PIGB: variants seen among roughly 807,000 people sequenced by gnomAD.
PIGB encodes the protein GPI alpha-1,2-mannosyltransferase 3.
In PIGB, 58 loss-of-function variants were observed where a neutral mutation model predicts 68.4. The ratio of observed to expected loss-of-function variants is 0.85; its 90% CI spans 0.69 to 1.06. The LOEUF (loss-of-function observed/expected upper bound fraction) is 1.06, where lower values mean the gene tolerates loss of function less well. Among genes scored for constraint, PIGB ranks in the 50% least tolerant of loss-of-function variants. The pLI is 0.00. For missense variants in PIGB, 634 were observed against 655.8 expected (o/e 0.97, Z 0.36); for synonymous variants, 219 against 220.5 (o/e 0.99, Z 0.06).
At chr15:55,340,427 G>T (rs1259639104) in intron 7 of PIGB, 185 bp from the exon 8 acceptor site, 2 of 339,748 alleles carry the variant, frequency 5.9e-6, no homozygotes, top group South Asian at 3.7e-5. Flanking sequence ...CTGCACTCCA[G>T]CCTGGGCGAC....
intron 1 of PIGB, chr15:55,320,010 C>G (rs1368540516): frequency 3.4e-6 from 1 of 292,720 alleles, no homozygotes; most frequent in Non-Finnish European, 6.3e-6. Flanking sequence ...AGTTAACCCA[C>G]TCTTTTTTTT....
At chr15:55,335,930 GATA>G (rs1441418060) in intron 6 of PIGB, among the ~76,000 whole-genome samples, 1 of 152,292 alleles carries the variant, frequency 6.6e-6, no homozygotes, top group East Asian at 1.9e-4. Context: ...TCAGCAGCAT[GATA>G]ATAACTTATT....
Position 55,329,662 on chromosome 15 carries a change from T to C in PIGB, c.523-62T>C, listed in dbSNP as rs909533768. 3 of 1,281,988 alleles carry C rather than the reference T, an allele frequency of 2.3e-6. No homozygotes were observed. In the African/African-American group the frequency reaches 4.5e-5, roughly 19 times the overall value. The allele number at this position is 1,281,988 out of a possible 1,614,324, so 79.4% of individuals were successfully genotyped here. A position where few individuals can be genotyped will look rare whatever the true frequency, so the allele number is the denominator to read the frequency against. On this transcript the variant is annotated intron_variant, in intron 4 of 11. Transcript: ENST00000164305. ...TTAGACTTGCTTGCTATTTAGAAGATAATATGTACTAAGGTTTTCCATTTC... is the reference window on the plus strand; with the variant it reads ...TTAGACTTGCTTGCTATTTAGAAGACAATATGTACTAAGGTTTTCCATTTC...
chr15:55,342,459 T>G (rs1481635790), intron 9 of PIGB, among the ~76,000 whole-genome samples: 1 of 152,180 alleles, frequency 6.6e-6, no homozygotes, highest in Non-Finnish European at 1.5e-5. Context: ...GGCACGATCT[T>G]GGCTCACTGC....
At chr15:55,331,510 T>G (rs1396540347) in intron 5 of PIGB, among the ~76,000 whole-genome samples, 1 of 152,050 alleles carries the variant, frequency 6.6e-6, no homozygotes, top group African/African-American at 2.4e-5. Flanking sequence ...GGTCGGGAGT[T>G]CGAGACCAGC....
Position 55,341,801 on chromosome 15 carries a change from T to G in PIGB, c.1122T>G (p.Cys374Trp). 1 of 1,405,234 alleles carries G rather than the reference T, an allele frequency of 7.1e-7. No homozygotes were observed. The highest frequency in any genetic ancestry group is 1.6e-5 in the South Asian group (1 of 61,956). 87.0% of individuals were successfully genotyped at this position (1,405,234 alleles called of 1,614,324 possible). ...TTTTACCATTCTGTATGGTGTTCTG[T>G]GGTAAGTGCTTTTGTTTGTTATAGA... ...YPVLPFCMVF[C>W]GYSLTHLKTW... The change falls in exon 9 of 12, where the codon TGT becomes TGG. Residue 374 changes from cysteine to tryptophan, a missense_variant and splice_region_variant. Physicochemically the swap from Cys to Trp is radical, Grantham distance 215. Transcript: ENST00000164305.
chr15:55,351,938 TTAAAC>T (rs2055933930), intron 10 of PIGB: 2 of 148,660 alleles, frequency 1.3e-5, no homozygotes, highest in South Asian at 4.4e-4. Context: ...TGCCCTCATC[TTAAAC>T]TAGACTTCTT....
At chr15:55,338,515 C>T (rs2055588709) in intron 6 of PIGB, among the ~76,000 whole-genome samples, 1 of 152,020 alleles carries the variant, frequency 6.6e-6, no homozygotes, top group Non-Finnish European at 1.5e-5. Flanking sequence ...CATGGCGGCA[C>T]ACACCTGTAG....
intron 6 of PIGB, among the ~76,000 whole-genome samples, chr15:55,334,430 G>T (rs1299907569): frequency 6.6e-6 from 1 of 152,126 alleles, no homozygotes; most frequent in Admixed American, 6.5e-5. Context: ...AATTTAAAAT[G>T]TATTAGTCAA....
intron 1 of PIGB, chr15:55,319,831 A>G (rs529794389): frequency 1.1e-5 from 2 of 180,252 alleles, no homozygotes; most frequent in Non-Finnish European, 2.4e-5. Flanking sequence ...ATGTGAAGAA[A>G]TTAACACAGT....
At chr15:55,344,890 CTTTT>C (rs1164109873) in intron 9 of PIGB, among the ~76,000 whole-genome samples, 7 of 98,902 alleles carry the variant, frequency 7.1e-5, no homozygotes, top group African/African-American at 2.5e-4. Context: ...ATATTCTTAT[CTTTT>C]TTTTTTTTTT....
intron 9 of PIGB, chr15:55,346,749 T>C (rs1422990419): frequency 6.6e-6 from 1 of 152,222 alleles, no homozygotes. Flanking sequence ...ATCTCCAAAT[T>C]TGTGCGTGCC....
At chr15:55,328,784 G>A (rs1004940388) in intron 4 of PIGB, among the ~76,000 whole-genome samples, 6 of 152,106 alleles carry the variant, frequency 3.9e-5, no homozygotes, top group Non-Finnish European at 7.4e-5. Context: ...TGGCCAACAC[G>A]GTGAAACCCT....
Position 55,320,771 on chromosome 15 carries a change from C to T in PIGB, c.299+361C>T, listed in dbSNP as rs895878810. ...AGTGGTTGACTCTGGGCAACTGAAA[C>T]ATGGAAAGAGAAACCACAGATAAGG... On this transcript the variant is annotated intron_variant, in intron 2 of 11. Coordinates refer to ENST00000164305, the MANE Select transcript of PIGB (RefSeq NM_004855.5). Among the ~76,000 whole-genome samples, 3 of 152,250 alleles carry T rather than the reference C, an allele frequency of 2.0e-5. No individual in the cohort carries two copies. In the East Asian group the frequency reaches 5.8e-4, roughly 29 times the overall value.
intron 10 of PIGB, chr15:55,351,570 A>C (rs1019790793): frequency 6.6e-6 from 1 of 152,016 alleles, no homozygotes; most frequent in Non-Finnish European, 1.5e-5. Context: ...ATTTGAATTA[A>C]TCTTAAAACA....
At chr15:55,355,053 G>C (rs966652497) in intron 11 of PIGB, 75 bp downstream of exon 11, 4 of 1,232,346 alleles carry the variant, frequency 3.2e-6, no homozygotes, top group Non-Finnish European at 3.4e-6. Context: ...CAGGTAAATA[G>C]ATAATATAAC....
intron 4 of PIGB, 34 bp from the exon 5 acceptor site, chr15:55,329,690 A>G: frequency 6.4e-7 from 1 of 1,565,038 alleles, no homozygotes; most frequent in Non-Finnish European, 8.7e-7. Context: ...TCCATTTCCA[A>G]TTTCATATAT....
intron 9 of PIGB, among the ~76,000 whole-genome samples, chr15:55,348,090 G>C (rs1167925463): frequency 6.8e-6 from 1 of 147,246 alleles, no homozygotes; most frequent in Non-Finnish European, 1.5e-5. Context: ...CCGGGTTCAA[G>C]TGATTCTCCT....
chr15:55,329,633 A>G (rs1488450832), intron 4 of PIGB, 91 bp from the exon 5 acceptor site: 3 of 1,025,374 alleles, frequency 2.9e-6, no homozygotes, highest in Admixed American at 2.5e-5. Flanking sequence ...CCTTTTCACA[A>G]TATTTAGACT....
Sources: allele counts gnomAD v4.1 joint callset (sites outside exome capture counted in the v4.1 genomes callset), GRCh38; gene constraint gnomAD v4.1.1; transcripts MANE v1.5; gene names NCBI Gene and HGNC (gene_info 2026-07-23, HGNC 2026-07-21).